Variants in PCDH7 observed in about 807,000 individuals in gnomAD.
PCDH7 encodes protocadherin-7.
In PCDH7, 17 loss-of-function variants were observed where a neutral mutation model predicts 58.9. That is an observed-to-expected ratio of 0.29 (90% CI 0.20 to 0.43). The LOEUF (loss-of-function observed/expected upper bound fraction) is 0.43, where lower values mean the gene tolerates loss of function less well. PCDH7 is among the 20% of genes least tolerant of loss of function. The pLI is 1.00. For missense variants in PCDH7, 1,274 were observed against 1,441.0 expected, an observed-to-expected ratio of 0.88 and a Z score of 1.88; for synonymous variants, 664 against 616.4, an observed-to-expected ratio of 1.08 and a Z score of -1.14.
chr4:31,029,488 A>G (rs1157646718), intron 3 of PCDH7, among the ~76,000 whole-genome samples: 1 of 152,214 alleles, frequency 6.6e-6, no homozygotes, highest in African/African-American at 2.4e-5. Context: ...ATTTGCAGGC[A>G]CAGCTGAAGG....
At chr4:30,918,221 G>A (rs1354316318) in intron 1 of PCDH7, among the ~76,000 whole-genome samples, 1 of 152,066 alleles carries the variant, frequency 6.6e-6, no homozygotes, top group Non-Finnish European at 1.5e-5. Context: ...GCCCAGAAGT[G>A]TTTACTGATT....
intron 3 of PCDH7, among the ~76,000 whole-genome samples, chr4:31,096,006 GTAATC>G (rs2109292290): frequency 6.6e-6 from 1 of 152,264 alleles, no homozygotes; most frequent in African/African-American, 2.4e-5. Context: ...CTTGGTGTTG[GTAATC>G]TAGGCAAATA....
rs114931989 is a variant in PCDH7, at chr4:31,081,339, G to A, written c.*8-61134G>A. ...AAACTGTTAAGCATTTATTTCTAAA[G>A]TGGACCACATTTTATACTACTTAGT... On this transcript the variant is annotated intron_variant, in intron 3 of 3. Coordinates refer to the PCDH7 transcript ENST00000509759. Among the ~76,000 whole-genome samples, 923 of 152,264 alleles carry A rather than the reference G, an allele frequency of 6.1e-3. 4 individuals are homozygous for A. The highest frequency in any genetic ancestry group is 9.7e-3 in the South Asian group (47 of 4,828).
intron 1 of PCDH7, chr4:30,868,958 GT>G (rs1279800649): frequency 6.6e-6 from 1 of 152,040 alleles, no homozygotes; most frequent in East Asian, 1.9e-4. Context: ...ATGAAAAGGG[GT>G]GAACTAAAAA....
intron 3 of PCDH7, among the ~76,000 whole-genome samples, chr4:30,957,847 C>T (rs1057320873): frequency 1.3e-5 from 2 of 152,066 alleles, no homozygotes; most frequent in African/African-American, 2.4e-5. Flanking sequence ...TCGGCTAACG[C>T]ATTAATTTGC....
intron 1 of PCDH7, among the ~76,000 whole-genome samples, chr4:30,854,433 T>TTTTG (rs1337988989): frequency 4.0e-5 from 6 of 151,362 alleles, no homozygotes; most frequent in Non-Finnish European, 5.9e-5. Context: ...TAACTGTGTG[T>TTTTG]TTTGTTTGTT....
chr4:31,079,270 A>C (rs1489681571), intron 3 of PCDH7, among the ~76,000 whole-genome samples: 1 of 135,590 alleles, frequency 7.4e-6, no homozygotes, highest in African/African-American at 2.8e-5. Flanking sequence ...AGTGAAAAAA[A>C]AATGCCACAG....
chr4:31,086,585 A>G (rs1321140151), intron 3 of PCDH7, among the ~76,000 whole-genome samples: 1 of 152,208 alleles, frequency 6.6e-6, no homozygotes, highest in Non-Finnish European at 1.5e-5. Context: ...AGAGAAAAGT[A>G]GTATAGAGAA....
intron 1 of PCDH7, among the ~76,000 whole-genome samples, chr4:30,873,406 A>T (rs1735864245): frequency 6.6e-6 from 1 of 152,048 alleles, no homozygotes; most frequent in Non-Finnish European, 1.5e-5. Flanking sequence ...AGAACTTTTT[A>T]TGGAGATATG....
intron 3 of PCDH7, among the ~76,000 whole-genome samples, chr4:30,986,372 G>T (rs1161430362): frequency 6.6e-6 from 1 of 151,748 alleles, no homozygotes; most frequent in African/African-American, 2.4e-5. Flanking sequence ...CATGAAGATG[G>T]TTTGTAGCTA....
At chr4:30,994,902 G>A (rs1256285696) in intron 3 of PCDH7, among the ~76,000 whole-genome samples, 1 of 152,100 alleles carries the variant, frequency 6.6e-6, no homozygotes, top group African/African-American at 2.4e-5. Context: ...TGACAATTAA[G>A]CAGTTGAAAT....
exon 2 of PCDH7, chr4:30,731,237 C>T (rs1419402988): frequency 1.3e-5 from 9 of 686,324 alleles, no homozygotes; most frequent in Non-Finnish European, 1.6e-5. Flanking sequence ...GCCATGTAAT[C>T]ACAGGCCTGT....
chr4:30,728,087 T>C (rs1714886116), intron 1 of PCDH7, among the ~76,000 whole-genome samples: 1 of 151,818 alleles, frequency 6.6e-6, no homozygotes, highest in East Asian at 1.9e-4. Context: ...TCAGTTTGTC[T>C]TCATAATGTT....
intron 1 of PCDH7, among the ~76,000 whole-genome samples, chr4:30,866,266 G>A (rs11936745): frequency 0.088 from 13,317 of 151,994 alleles, 732 homozygotes; most frequent in Non-Finnish European, 0.12. Context: ...AACCTGGCTT[G>A]TTACTTAACA....
chr4:30,739,421 A>G (rs767135426), intron 1 of PCDH7, among the ~76,000 whole-genome samples: 12 of 151,944 alleles, frequency 7.9e-5, no homozygotes, highest in Non-Finnish European at 1.6e-4. Context: ...AATGGCAATA[A>G]TGATGGTATA....
intron 1 of PCDH7, among the ~76,000 whole-genome samples, chr4:30,780,779 C>G (rs1482066277): frequency 6.6e-6 from 1 of 151,946 alleles, no homozygotes; most frequent in East Asian, 1.9e-4. Context: ...TTTGTTTTTT[C>G]TTAGTATACT....
intron 1 of PCDH7, among the ~76,000 whole-genome samples, chr4:30,795,740 C>T (rs1724692119): frequency 6.6e-6 from 1 of 152,158 alleles, no homozygotes; most frequent in Admixed American, 6.5e-5. Flanking sequence ...TTGATAAATA[C>T]ACTTGCTGTT....
chr4:31,011,115 G>C (rs1753153090), intron 3 of PCDH7, among the ~76,000 whole-genome samples: 1 of 151,878 alleles, frequency 6.6e-6, no homozygotes, highest in Non-Finnish European at 1.5e-5. Context: ...ATCAAAATAA[G>C]TCAAGGTAAA....
At chr4:31,014,366 A>G (rs71598138) in intron 3 of PCDH7, among the ~76,000 whole-genome samples, 7,071 of 152,252 alleles carry the variant, frequency 0.046, 421 homozygotes, top group East Asian at 0.3. Flanking sequence ...ATACCCATGT[A>G]TTTTGAAATT....
Sources: allele counts gnomAD v4.1 joint callset (sites outside exome capture counted in the v4.1 genomes callset), GRCh38; gene constraint gnomAD v4.1.1; transcripts MANE v1.5; gene names NCBI Gene and HGNC (gene_info 2026-07-23, HGNC 2026-07-21).